ITGA1: variants seen among roughly 807,000 people sequenced by gnomAD.
ITGA1 encodes the protein integrin subunit alpha 1, also known as integrin alpha-1.
Under a neutral mutation model 145.9 loss-of-function variants are expected in ITGA1, and 85 were observed. The observed-to-expected ratio is 0.58, with a 90% CI of 0.49 to 0.70. ITGA1 has a LOEUF of 0.70. ITGA1 is among the 30% of genes least tolerant of loss of function. ITGA1 has a pLI of 0.00. For missense variants in ITGA1, 1,351 were observed against 1,418.7 expected, an observed-to-expected ratio of 0.95 and a Z score of 0.77; for synonymous variants, 520 against 495.3, an observed-to-expected ratio of 1.05 and a Z score of -0.66.
At chr5:52,811,309 C>G (rs1209801962) in intron 1 of ITGA1, among the ~76,000 whole-genome samples, 1 of 152,168 alleles carries the variant, frequency 6.6e-6, no homozygotes, top group Non-Finnish European at 1.5e-5. Flanking sequence ...GTTTCTTCAT[C>G]TGCAGAATGA....
At chr5:52,836,155 C>T (rs1165584402) in intron 1 of ITGA1, among the ~76,000 whole-genome samples, 2 of 152,040 alleles carry the variant, frequency 1.3e-5, no homozygotes, top group Non-Finnish European at 2.9e-5. Context: ...AATTTACTTC[C>T]GTATTTATTA....
Position 52,897,443 on chromosome 5 carries a change from C to G in ITGA1, c.1091-12C>G. 6.3e-7 allele frequency: 1 copy of G among 1,588,552 alleles called. No individual in the cohort carries two copies. Reference sequence around the variant, plus strand: ...TGTTACTTATTTACAGTGATATTTTCCTATGTTATAGCCACAGCTGACCAG... The same window carrying G: ...TGTTACTTATTTACAGTGATATTTTGCTATGTTATAGCCACAGCTGACCAG... On this transcript the variant is annotated splice_polypyrimidine_tract_variant and intron_variant, in intron 9 of 28. Transcript: ENST00000282588.
chr5:52,814,271 C>G (rs1251711629), intron 1 of ITGA1, among the ~76,000 whole-genome samples: 1 of 152,154 alleles, frequency 6.6e-6, no homozygotes, highest in Non-Finnish European at 1.5e-5. Context: ...CTTAGCCTCC[C>G]AAGTGGCTGG....
At chr5:52,862,443 A>C (rs111522735) in intron 3 of ITGA1, among the ~76,000 whole-genome samples, 1 of 152,030 alleles carries the variant, frequency 6.6e-6, no homozygotes, top group Non-Finnish European at 1.5e-5. Context: ...TCTGTCCTTA[A>C]TTTGCTTTAG....
chr5:52,942,326 C>T (rs562794792), intron 26 of ITGA1, among the ~76,000 whole-genome samples: 12 of 152,208 alleles, frequency 7.9e-5, no homozygotes, highest in Middle Eastern at 3.4e-3. Context: ...GATGTTGGTA[C>T]TTTAAGAGCA....
At chr5:52,875,448 G>A (rs560654007) in intron 6 of ITGA1, among the ~76,000 whole-genome samples, 2 of 152,176 alleles carry the variant, frequency 1.3e-5, no homozygotes, top group East Asian at 3.9e-4. Flanking sequence ...GCCTGAATCA[G>A]CCTTTAGGTC....
At chr5:52,949,991 T>C (rs113293496) in intron 28 of ITGA1, among the ~76,000 whole-genome samples, 22 of 152,336 alleles carry the variant, frequency 1.4e-4, no homozygotes, top group African/African-American at 5.1e-4. Flanking sequence ...AGGCCAAAAG[T>C]TTCTCTTAGA....
chr5:52,791,701 G>C (rs771797289), intron 1 of ITGA1, among the ~76,000 whole-genome samples: 1 of 151,546 alleles, frequency 6.6e-6, no homozygotes, highest in Non-Finnish European at 1.5e-5. Context: ...TTTACTAATT[G>C]ATCACAAGCA....
intron 24 of ITGA1, 85 bp downstream of exon 24, chr5:52,937,599 T>A: frequency 1.2e-6 from 1 of 814,124 alleles, no homozygotes; most frequent in Non-Finnish European, 2.1e-6. Flanking sequence ...ATGATACTTG[T>A]AATAAAGAAT....
At chr5:52,819,979 G>A (rs1748847683) in intron 1 of ITGA1, among the ~76,000 whole-genome samples, 2 of 152,034 alleles carry the variant, frequency 1.3e-5, no homozygotes, top group Non-Finnish European at 2.9e-5. Context: ...TATTTCTGAG[G>A]CCTCTGTTCT....
At chr5:52,938,093 A>T (rs1750999052) in intron 24 of ITGA1, among the ~76,000 whole-genome samples, 1 of 152,212 alleles carries the variant, frequency 6.6e-6, no homozygotes, top group African/African-American at 2.4e-5. Context: ...AGGGAGATTT[A>T]GGCATATCTT....
At chr5:52,909,434 G>A (rs1238814293) in intron 13 of ITGA1, among the ~76,000 whole-genome samples, 1 of 152,036 alleles carries the variant, frequency 6.6e-6, no homozygotes, top group Non-Finnish European at 1.5e-5. Context: ...TTTCAAGGCA[G>A]CAACACTGCA....
chr5:52,812,019 G>A (rs1241507415), intron 1 of ITGA1, among the ~76,000 whole-genome samples: 1 of 152,192 alleles, frequency 6.6e-6, no homozygotes, highest in African/African-American at 2.4e-5. Context: ...CTTATCTGCA[G>A]CCAGGTTAAA....
rs1243413802 is a variant in ITGA1, at chr5:52,820,529, A to AAG, written c.62-28835_62-28834insGA. Among the ~76,000 whole-genome samples the AAG allele has an allele frequency of 5.3e-5, 8 of 151,564 alleles. No individual in the cohort carries two copies. In the South Asian group the frequency reaches 1.7e-3, roughly 32 times the overall value. On this transcript the variant is annotated intron_variant, in intron 1 of 28. Transcript: ENST00000282588. Reference sequence around the variant, plus strand: ...CTAAAACTTAAAGTATAATAAAAAAAAAAAAGAAAAAGAAAATGGCACACT... The same window carrying AAG: ...CTAAAACTTAAAGTATAATAAAAAAAAGAAAAAGAAAAAGAAAATGGCACACT...
intron 7 of ITGA1, 77 bp from the exon 8 acceptor site, chr5:52,887,738 G>GT: frequency 1.4e-6 from 2 of 1,420,012 alleles, no homozygotes; most frequent in Non-Finnish European, 1.9e-6. Flanking sequence ...AGTAGTCAGT[G>GT]TTTTTGTTTA....
At chr5:52,846,127 G>A (rs1005993214) in intron 1 of ITGA1, among the ~76,000 whole-genome samples, 4 of 152,132 alleles carry the variant, frequency 2.6e-5, no homozygotes, top group Admixed American at 6.6e-5. Flanking sequence ...GCGGCCGGGC[G>A]CAGTGACTCA....
intron 1 of ITGA1, among the ~76,000 whole-genome samples, chr5:52,790,100 CTCA>C (rs1748209698): frequency 6.6e-6 from 1 of 152,162 alleles, no homozygotes; most frequent in Admixed American, 6.5e-5. Flanking sequence ...TTGGAAACTT[CTCA>C]TCAATTCAGA....
At chr5:52,942,596 C>G (rs1446375608) in intron 26 of ITGA1, among the ~76,000 whole-genome samples, 1 of 150,588 alleles carries the variant, frequency 6.6e-6, no homozygotes, top group Non-Finnish European at 1.5e-5. Context: ...AGTGGCGCGA[C>G]CTTGGCTCAC....
intron 6 of ITGA1, among the ~76,000 whole-genome samples, chr5:52,878,765 C>T (rs759310441): frequency 3.9e-5 from 6 of 151,906 alleles, no homozygotes; most frequent in African/African-American, 1.5e-4. Flanking sequence ...TAAAAGGAGA[C>T]CAGGTTACAA....
Sources: gnomAD v4.1 joint callset for allele counts (sites outside exome capture counted in the v4.1 genomes callset) on GRCh38, gnomAD v4.1.1 for gene constraint, MANE v1.5 for transcripts, NCBI Gene and HGNC (gene_info 2026-07-23, HGNC 2026-07-21) for gene names.